Variants in VAV3 observed in about 807,000 individuals in gnomAD.
VAV3 encodes vav guanine nucleotide exchange factor 3.
A neutral mutation model predicts 131.2 loss-of-function variants in VAV3; 94 were observed. The observed-to-expected ratio is 0.72, with a 90% confidence interval of 0.61 to 0.85. The LOEUF is 0.85. Among genes scored for constraint, VAV3 ranks in the 40% least tolerant of loss-of-function variants. VAV3 has a pLI of 0.00. For synonymous variants in VAV3, 349 were observed against 342.0 expected (o/e 1.02, Z -0.22); for missense variants, 939 against 1,002.7 (o/e 0.94, Z 0.86).
intron 24 of VAV3, among the ~76,000 whole-genome samples, chr1:107,600,840 T>G (rs1651795126): frequency 6.6e-6 from 1 of 152,198 alleles, no homozygotes; most frequent in Non-Finnish European, 1.5e-5. Context: ...GACGATTCCT[T>G]TCATCTTCTT....
chr1:107,693,497 G>A (rs1018910373), intron 17 of VAV3, among the ~76,000 whole-genome samples: 1 of 151,870 alleles, frequency 6.6e-6, no homozygotes, highest in Non-Finnish European at 1.5e-5. Flanking sequence ...TCATTTCCAG[G>A]GTGAATGAAG....
intron 15 of VAV3, among the ~76,000 whole-genome samples, chr1:107,720,401 A>AAATAAATAAATG (rs1168567430): frequency 7.1e-6 from 1 of 140,754 alleles, no homozygotes; most frequent in African/African-American, 2.6e-5. Flanking sequence ...ATAAATAAAT[A>AAATAAATAAATG]AATAAATAAA....
At position 107,760,890 on chromosome 1, in the gene VAV3, G is replaced by T; in HGVS notation, c.922-11C>A. Reference sequence around the variant, plus strand: ...TCTTTTGGAACATTCCTAATGAAATGTTTTAAAAACACTTTGTTAGGGAGT... The same window carrying T: ...TCTTTTGGAACATTCCTAATGAAATTTTTTAAAAACACTTTGTTAGGGAGT... On this transcript the variant is annotated splice_polypyrimidine_tract_variant and intron_variant, in intron 9 of 26. Transcript: ENST00000370056. 1 of 1,604,268 alleles carries T rather than the reference G, an allele frequency of 6.2e-7. No individual in the cohort carries two copies.
At chr1:107,665,431 G>A (rs955613063) in intron 19 of VAV3, among the ~76,000 whole-genome samples, 7 of 152,076 alleles carry the variant, frequency 4.6e-5, no homozygotes, top group African/African-American at 1.7e-4. Context: ...CCCACTAGTA[G>A]GTAGACTACT....
intron 15 of VAV3, among the ~76,000 whole-genome samples, chr1:107,742,207 A>G (rs143694534): frequency 3.7e-4 from 57 of 152,124 alleles, no homozygotes; most frequent in African/African-American, 1.3e-3. Flanking sequence ...ATTTTGCCAC[A>G]CAATAAGAAT....
chr1:107,583,287 C>T (rs1365380319), intron 25 of VAV3, among the ~76,000 whole-genome samples: 2 of 152,132 alleles, frequency 1.3e-5, no homozygotes, highest in Non-Finnish European at 2.9e-5. Flanking sequence ...CTGTGACAAA[C>T]CCACAGCCAA....
intron 25 of VAV3, chr1:107,576,466 A>C: frequency 6.6e-7 from 1 of 1,509,022 alleles, no homozygotes; most frequent in Non-Finnish European, 8.8e-7. Context: ...GCCACAGAAC[A>C]AAGAGGGGGC....
chr1:107,709,764 C>T (rs1660666530), intron 15 of VAV3, among the ~76,000 whole-genome samples: 1 of 152,188 alleles, frequency 6.6e-6, no homozygotes, highest in African/African-American at 2.4e-5. Context: ...TCATTCTTCT[C>T]CTTCCTGCTG....
chr1:107,898,992 G>A (rs1220837788), intron 1 of VAV3, among the ~76,000 whole-genome samples: 1 of 152,096 alleles, frequency 6.6e-6, no homozygotes, highest in Non-Finnish European at 1.5e-5. Flanking sequence ...TAGATGCAAT[G>A]CCTTCTCTCC....
intron 20 of VAV3, among the ~76,000 whole-genome samples, chr1:107,642,268 C>T (rs1480650641): frequency 6.6e-6 from 1 of 152,118 alleles, no homozygotes; most frequent in African/African-American, 2.4e-5. Context: ...CTAAATCCTA[C>T]CAAAACCAAG....
intron 10 of VAV3, among the ~76,000 whole-genome samples, chr1:107,759,493 A>T (rs1207648903): frequency 6.6e-6 from 1 of 152,188 alleles, no homozygotes; most frequent in African/African-American, 2.4e-5. Flanking sequence ...ACTGATAACC[A>T]CATTTGTTCA....
At chr1:107,679,669 A>T (rs1658464571) in intron 19 of VAV3, among the ~76,000 whole-genome samples, 1 of 152,228 alleles carries the variant, frequency 6.6e-6, no homozygotes, top group Admixed American at 6.5e-5. Context: ...GGAAATTTTT[A>T]AAGCTCAGTA....
At chr1:107,644,311 T>A (rs75438160) in intron 19 of VAV3, among the ~76,000 whole-genome samples, 4,097 of 152,254 alleles carry the variant, frequency 0.027, 79 homozygotes, top group Non-Finnish European at 0.044. Flanking sequence ...TAAAGTGGAA[T>A]AATTTTTTAA....
At chr1:107,602,539 A>G in intron 23 of VAV3, 55 bp from the exon 24 acceptor site, 2 of 1,364,654 alleles carry the variant, frequency 1.5e-6, no homozygotes, top group Non-Finnish European at 9.9e-7. Flanking sequence ...AGTAGAAATC[A>G]ATAATTACCA....
At chr1:107,872,339 A>G (rs932683720) in intron 2 of VAV3, among the ~76,000 whole-genome samples, 4 of 152,218 alleles carry the variant, frequency 2.6e-5, no homozygotes, top group Non-Finnish European at 5.9e-5. Context: ...TAATTAATAC[A>G]TTCTTTGGCA....
chr1:107,629,139 A>T (rs1431103378), intron 20 of VAV3, among the ~76,000 whole-genome samples: 1 of 152,192 alleles, frequency 6.6e-6, no homozygotes, highest in South Asian at 2.1e-4. Flanking sequence ...ATGACAATGG[A>T]GCAAATAAAA....
chr1:107,877,552 G>A (rs557181126), intron 1 of VAV3, among the ~76,000 whole-genome samples: 1 of 152,214 alleles, frequency 6.6e-6, no homozygotes, highest in Admixed American at 6.5e-5. Flanking sequence ...TTTAAAAAGA[G>A]GCCTTCCCCT....
At chr1:107,885,201 T>C (rs1346833875) in intron 1 of VAV3, among the ~76,000 whole-genome samples, 1 of 152,122 alleles carries the variant, frequency 6.6e-6, no homozygotes. Flanking sequence ...TTTTTCCTCA[T>C]TAGAGTACAA....
At chr1:107,793,898 C>T (rs1376502487) in intron 2 of VAV3, among the ~76,000 whole-genome samples, 1 of 152,160 alleles carries the variant, frequency 6.6e-6, no homozygotes. Context: ...GCAGATAGGA[C>T]AAGCATTATG....
Sources: gnomAD v4.1 joint callset for allele counts (sites outside exome capture counted in the v4.1 genomes callset) on GRCh38, gnomAD v4.1.1 for gene constraint, MANE v1.5 for transcripts, NCBI Gene and HGNC (gene_info 2026-07-23, HGNC 2026-07-21) for gene names.